The following SDK1 variants were observed in gnomAD, a reference collection of about 807,000 sequenced individuals.
SDK1 encodes protein sidekick-1.
In SDK1, 157 loss-of-function variants were observed where a neutral mutation model predicts 245.5. That is an observed-to-expected ratio of 0.64 (90% CI 0.56 to 0.73). The LOEUF (loss-of-function observed/expected upper bound fraction) is 0.73, where lower values mean the gene tolerates loss of function less well. Among genes scored for constraint, SDK1 ranks in the 30% least tolerant of loss-of-function variants. SDK1 has a pLI of 0.00. For synonymous variants in SDK1, 1,647 were observed against 1,278.5 expected (o/e 1.29, Z -6.15); for missense variants, 3,583 against 3,002.3 (o/e 1.19, Z -4.52).
intron 28 of SDK1, among the ~76,000 whole-genome samples, chr7:4,139,487 G>A (rs1464229874): frequency 7.6e-6 from 1 of 131,396 alleles, no homozygotes; most frequent in Non-Finnish European, 1.7e-5. Context: ...ATATGTGTGT[G>A]TATATATGTG....
chr7:3,988,596 C>A (rs907511212), intron 14 of SDK1, among the ~76,000 whole-genome samples: 1 of 152,142 alleles, frequency 6.6e-6, no homozygotes, highest in African/African-American at 2.4e-5. Context: ...CCACACGGGA[C>A]ACATGAAACT....
chr7:3,828,662 T>G (rs535750346), intron 5 of SDK1, among the ~76,000 whole-genome samples: 20 of 36,354 alleles, frequency 5.5e-4, no homozygotes, highest in Non-Finnish European at 7.7e-4. Flanking sequence ...TTTTTTTTTT[T>G]TTTGTTTTTT....
chr7:3,653,484 G>A (rs990006624), intron 4 of SDK1, among the ~76,000 whole-genome samples: 44 of 152,120 alleles, frequency 2.9e-4, no homozygotes, highest in African/African-American at 1.0e-3. Flanking sequence ...AGACTCCAAG[G>A]CCACAGTGTT....
At chr7:3,423,915 A>G (rs962051812) in intron 1 of SDK1, among the ~76,000 whole-genome samples, 3 of 151,066 alleles carry the variant, frequency 2.0e-5, no homozygotes, top group Non-Finnish European at 4.4e-5. Context: ...GCAAACACAT[A>G]CTATTTTTTT....
chr7:3,335,825 C>A (rs1780186047), intron 1 of SDK1, among the ~76,000 whole-genome samples: 1 of 152,170 alleles, frequency 6.6e-6, no homozygotes, highest in South Asian at 2.1e-4. Context: ...CAGAGATTTA[C>A]TGTCTTACCA....
chr7:3,651,624 C>G (rs532333250), intron 4 of SDK1, among the ~76,000 whole-genome samples: 22 of 152,152 alleles, frequency 1.4e-4, no homozygotes, highest in African/African-American at 4.8e-4. Context: ...TATGCAGAGA[C>G]CAATGCTATG....
At chr7:3,480,027 C>G (rs1021320504) in intron 1 of SDK1, among the ~76,000 whole-genome samples, 2 of 152,106 alleles carry the variant, frequency 1.3e-5, no homozygotes, top group African/African-American at 4.8e-5. Context: ...TGTCTACATC[C>G]CAATCGTCAG....
intron 1 of SDK1, among the ~76,000 whole-genome samples, chr7:3,502,870 G>C (rs1313452089): frequency 6.6e-6 from 1 of 152,172 alleles, no homozygotes; most frequent in East Asian, 1.9e-4. Flanking sequence ...TTCTTGTTCT[G>C]TAACATACTT....
chr7:3,754,651 A>T (rs1238669593), intron 4 of SDK1, among the ~76,000 whole-genome samples: 9 of 151,144 alleles, frequency 6.0e-5, no homozygotes, highest in African/African-American at 2.2e-4. Context: ...GACTGGAGAA[A>T]CAGCATGACG....
intron 5 of SDK1, among the ~76,000 whole-genome samples, chr7:3,906,857 T>C (rs1778961934): frequency 6.6e-6 from 1 of 152,084 alleles, no homozygotes; most frequent in Admixed American, 6.5e-5. Context: ...CGCAAACTCC[T>C]GAGCTCAGGC....
chr7:3,922,128 A>G (rs527687740), intron 5 of SDK1, among the ~76,000 whole-genome samples: 42 of 152,244 alleles, frequency 2.8e-4, no homozygotes, highest in African/African-American at 8.9e-4. Flanking sequence ...ATTTTATGTC[A>G]TGGCCCCTCA....
At chr7:3,820,277 G>T (rs984639097) in intron 4 of SDK1, among the ~76,000 whole-genome samples, 2 of 152,156 alleles carry the variant, frequency 1.3e-5, no homozygotes, top group Non-Finnish European at 2.9e-5. Context: ...GGCCTCTGTA[G>T]TAGCTGGGAC....
At chr7:3,395,938 T>A (rs1781885496) in intron 1 of SDK1, among the ~76,000 whole-genome samples, 1 of 151,876 alleles carries the variant, frequency 6.6e-6, no homozygotes, top group South Asian at 2.1e-4. Flanking sequence ...CTGTTGTTTT[T>A]CTGTTTTACA....
At chr7:3,636,780 T>C (rs993784818) in intron 2 of SDK1, among the ~76,000 whole-genome samples, 4 of 152,216 alleles carry the variant, frequency 2.6e-5, no homozygotes, top group African/African-American at 9.6e-5. Context: ...AATTTTTCCA[T>C]AGTGGCTACA....
intron 20 of SDK1, among the ~76,000 whole-genome samples, chr7:4,073,993 G>A (rs374054379): frequency 6.0e-4 from 92 of 152,146 alleles, no homozygotes; most frequent in African/African-American, 1.4e-3. Context: ...CAGTCTTCCC[G>A]GACATCGCCT....
intron 5 of SDK1, among the ~76,000 whole-genome samples, chr7:3,868,541 C>A (rs1000100308): frequency 6.6e-6 from 1 of 152,110 alleles, no homozygotes; most frequent in African/African-American, 2.4e-5. Flanking sequence ...AGATGGGGGG[C>A]CTTTACAATC....
Position 3,950,912 on chromosome 7 carries a change from C to A in SDK1, c.848-11C>A. The A allele has an allele frequency of 1.2e-6, 2 of 1,605,804 alleles. No homozygotes were observed. The highest frequency in any genetic ancestry group is 1.7e-6 in the Non-Finnish European group (2 of 1,172,836). ...AGAGTTTCATGGACATTTCTCTTTT[C>A]TCTGCCACAGGAGATGTTGGCACAC... is the stretch of plus-strand genomic sequence containing the variant. On this transcript the variant is annotated splice_polypyrimidine_tract_variant and intron_variant, in intron 5 of 44. Transcript: ENST00000404826.
At chr7:4,158,725 A>T (rs189226188) in intron 31 of SDK1, among the ~76,000 whole-genome samples, 174 bp downstream of exon 31, 2 of 152,340 alleles carry the variant, frequency 1.3e-5, no homozygotes, top group Non-Finnish European at 2.9e-5. Context: ...GTGGTCATAA[A>T]TCAAGGTTTC....
intron 1 of SDK1, among the ~76,000 whole-genome samples, chr7:3,388,429 C>G (rs1445998115): frequency 6.6e-6 from 1 of 151,458 alleles, no homozygotes; most frequent in South Asian, 2.1e-4. Flanking sequence ...GAGACTGGGT[C>G]TCATTTTGTT....
Sources: allele counts gnomAD v4.1 joint callset (sites outside exome capture counted in the v4.1 genomes callset), GRCh38; gene constraint gnomAD v4.1.1; transcripts MANE v1.5; gene names NCBI Gene and HGNC (gene_info 2026-07-23, HGNC 2026-07-21).